CNGA1: variants seen among roughly 807,000 people sequenced by gnomAD.
CNGA1 encodes the protein cyclic nucleotide-gated channel alpha-1.
CNGA1 carries 53 observed loss-of-function variants against 69.7 expected under a neutral mutation model. The observed-to-expected ratio is 0.76, with a 90% confidence interval of 0.61 to 0.96. The LOEUF (loss-of-function observed/expected upper bound fraction) is 0.96. Among genes scored for constraint, CNGA1 ranks in the 40% least tolerant of loss-of-function variants. CNGA1 has a pLI of 0.00. For missense variants in CNGA1, 739 were observed against 811.2 expected, an observed-to-expected ratio of 0.91 and a Z score of 1.08; for synonymous variants, 249 against 283.5, an observed-to-expected ratio of 0.88 and a Z score of 1.22.
intron 2 of CNGA1, among the ~76,000 whole-genome samples, chr4:47,997,915 G>A (rs1359319821): frequency 2.0e-5 from 3 of 152,090 alleles, no homozygotes; most frequent in Non-Finnish European, 2.9e-5. Flanking sequence ...ATAATCATAA[G>A]TTGAAAAGGC....
At chr4:48,000,046 T>A (rs538608656) in intron 2 of CNGA1, among the ~76,000 whole-genome samples, 1 of 152,292 alleles carries the variant, frequency 6.6e-6, no homozygotes, top group Non-Finnish European at 1.5e-5. Context: ...ATTTATTAGA[T>A]GTCTGTTCAG....
At chr4:48,014,573 C>T (rs1483194935) in intron 1 of CNGA1, among the ~76,000 whole-genome samples, 1 of 152,180 alleles carries the variant, frequency 6.6e-6, no homozygotes, top group Non-Finnish European at 1.5e-5. Context: ...GCCCAGCTTT[C>T]TTGGTTAGCA....
chr4:47,944,648 C>T (rs566081104), intron 6 of CNGA1, among the ~76,000 whole-genome samples: 1 of 152,206 alleles, frequency 6.6e-6, no homozygotes, highest in South Asian at 2.1e-4. Flanking sequence ...TAATTATGTT[C>T]CCAAAGAGGG....
At chr4:47,962,127 C>A (rs748273933) in intron 3 of CNGA1, among the ~76,000 whole-genome samples, 1 of 152,002 alleles carries the variant, frequency 6.6e-6, no homozygotes, top group South Asian at 2.1e-4. Flanking sequence ...GGGTGGATCA[C>A]GAGGTCAGGA....
intron 3 of CNGA1, among the ~76,000 whole-genome samples, chr4:47,965,584 GC>G (rs1280970951): frequency 6.6e-6 from 1 of 151,850 alleles, no homozygotes. Flanking sequence ...CCACCACCAG[GC>G]CCGGCTAATT....
intron 3 of CNGA1, among the ~76,000 whole-genome samples, chr4:47,954,632 A>G (rs748152559): frequency 2.0e-4 from 31 of 152,354 alleles, no homozygotes; most frequent in Admixed American, 7.8e-4. Context: ...TTCTGACTGC[A>G]GAGTGGTGAA....
At chr4:48,002,136 A>G (rs1273714879) in intron 2 of CNGA1, among the ~76,000 whole-genome samples, 1 of 152,174 alleles carries the variant, frequency 6.6e-6, no homozygotes, top group Non-Finnish European at 1.5e-5. Context: ...CACCTTAGAA[A>G]CTGGAAAAAG....
intron 2 of CNGA1, among the ~76,000 whole-genome samples, chr4:47,997,550 G>A (rs1714437056): frequency 6.6e-6 from 1 of 151,984 alleles, no homozygotes; most frequent in South Asian, 2.1e-4. Context: ...ACTCATATTA[G>A]TAATAAAATA....
At chr4:47,969,392 G>A (rs1305138445) in intron 3 of CNGA1, among the ~76,000 whole-genome samples, 5 of 151,986 alleles carry the variant, frequency 3.3e-5, no homozygotes, top group East Asian at 1.9e-4. Flanking sequence ...ACTGTGTTTC[G>A]GAAACTGATT....
At chr4:47,991,087 T>C (rs2110234208) in intron 2 of CNGA1, among the ~76,000 whole-genome samples, 1 of 152,364 alleles carries the variant, frequency 6.6e-6, no homozygotes, top group East Asian at 1.9e-4. Flanking sequence ...TTCTATGTTT[T>C]TTGCAATTGC....
chr4:47,995,865 C>CCTAT (rs1742455896), intron 2 of CNGA1, among the ~76,000 whole-genome samples: 1 of 152,098 alleles, frequency 6.6e-6, no homozygotes, highest in Non-Finnish European at 1.5e-5. Context: ...TCACCCTTTT[C>CCTAT]CTATGGATGT....
chr4:47,940,950 T>C, intron 9 of CNGA1, 81 bp from the exon 10 acceptor site: 3 of 924,238 alleles, frequency 3.2e-6, no homozygotes, highest in Non-Finnish European at 5.2e-6. Context: ...ATATTTTCTT[T>C]ATCATGATGA....
chr4:48,005,850 A>C (rs1714893540), intron 2 of CNGA1, among the ~76,000 whole-genome samples: 1 of 152,254 alleles, frequency 6.6e-6, no homozygotes, highest in Admixed American at 6.5e-5. Context: ...TTACAAATGA[A>C]AACAGATTCT....
chr4:47,937,438 G>A lies in CNGA1; in HGVS notation c.1044C>T (p.Ser348=). 1 of 1,614,072 alleles carries A rather than the reference G, an allele frequency of 6.2e-7. No individual in the cohort carries two copies. Among genetic ancestry groups the A allele is most frequent in the South Asian group, 1.1e-5 (1 of 91,076 alleles). The change falls in exon 11 of 11, where the codon AGC becomes AGT. Residue 348 remains serine, a synonymous_variant. Coordinates refer to ENST00000514170, the MANE Select transcript of CNGA1 (RefSeq NM_001379270.1). ...TCAAAGTCAGTGTAGACCAGTAAAG[G>A]CTGTATACGTATTTTCTAGCCAAAC... ...FGRLARKYVY[S]LYWSTLTLTT...
chr4:47,954,935 G>A (rs911805062), intron 3 of CNGA1, among the ~76,000 whole-genome samples: 3 of 152,128 alleles, frequency 2.0e-5, no homozygotes, highest in Admixed American at 1.3e-4. Flanking sequence ...ATTCAAACAG[G>A]GCTGCTATGT....
intron 2 of CNGA1, among the ~76,000 whole-genome samples, chr4:47,991,824 A>G (rs987907720): frequency 2.6e-5 from 4 of 152,166 alleles, no homozygotes; most frequent in African/African-American, 9.7e-5. Flanking sequence ...TCTTTAATCC[A>G]TCTTGAGTTG....
At chr4:47,973,124 G>A (rs552058609) in intron 3 of CNGA1, among the ~76,000 whole-genome samples, 15 of 141,486 alleles carry the variant, frequency 1.1e-4, no homozygotes, top group African/African-American at 3.5e-4. Flanking sequence ...CTGGAGTGCA[G>A]TAGCACTATC....
intron 6 of CNGA1, among the ~76,000 whole-genome samples, chr4:47,944,577 A>C (rs1739280614): frequency 6.6e-6 from 1 of 152,240 alleles, no homozygotes; most frequent in South Asian, 2.1e-4. Flanking sequence ...GGAAGGTATC[A>C]AAAGACTCAG....
At chr4:48,002,830 A>G (rs2109347678) in intron 2 of CNGA1, among the ~76,000 whole-genome samples, 1 of 152,232 alleles carries the variant, frequency 6.6e-6, no homozygotes, top group African/African-American at 2.4e-5. Flanking sequence ...GCAATGGTTT[A>G]TGTCTGCACC....
Sources: allele counts gnomAD v4.1 joint callset (sites outside exome capture counted in the v4.1 genomes callset), GRCh38; gene constraint gnomAD v4.1.1; transcripts MANE v1.5; gene names NCBI Gene and HGNC (gene_info 2026-07-23, HGNC 2026-07-21).